Variants in IL3RA observed in about 807,000 individuals in gnomAD.
The protein encoded by IL3RA is interleukin-3 receptor subunit alpha.
A neutral mutation model predicts 52.3 loss-of-function variants in IL3RA; 73 were observed. That is an observed-to-expected ratio of 1.40 (90% CI 1.16 to 1.70). The LOEUF is 1.70. IL3RA is among the 40% of genes most tolerant of loss of function. The pLI is 0.00. For missense variants in IL3RA, 664 were observed against 504.4 expected (o/e 1.32, Z -3.03); for synonymous variants, 260 against 194.0 (o/e 1.34, Z -2.83).
Position 1,378,777 on chromosome X carries a change from G to C in IL3RA, c.980+13G>C, listed in dbSNP as rs765030270. 6 of 1,608,638 alleles carry C rather than the reference G, an allele frequency of 3.7e-6. No homozygotes were observed. The African/African-American group carries it at 5.3e-5, about 14-fold the overall frequency. On this transcript the variant is annotated intron_variant, in intron 10 of 11. Coordinates refer to ENST00000331035, the MANE Select transcript of IL3RA (RefSeq NM_002183.4). ...TGATCTGCAGAAGGTGAGCCCTCGA[G>C]GGCGTCCGCGAGCGTCGCTTGTTTC...
chrX:1,339,352 G>A (rs750015734), intron 1 of IL3RA, among the ~76,000 whole-genome samples: 3 of 152,258 alleles, frequency 2.0e-5, no homozygotes, highest in East Asian at 1.9e-4. Flanking sequence ...AAGGGGCTCC[G>A]AGGCCTCTGG....
intron 2 of IL3RA, among the ~76,000 whole-genome samples, chrX:1,344,672 C>A (rs1272850827): frequency 6.6e-6 from 1 of 151,304 alleles, no homozygotes; most frequent in Non-Finnish European, 1.5e-5. Flanking sequence ...ACTCGGGAGG[C>A]TGAGGCAGGA....
rs1300100000 is a variant in IL3RA at position 1,336,910 on chromosome X, T to A, written c.-55T>A. The A allele has an allele frequency of 6.6e-6, 1 of 152,232 alleles. No homozygotes were observed. Among genetic ancestry groups the A allele is most frequent in the Admixed American group, 6.6e-5 (1 of 15,262 alleles). The allele number at this position is 152,232 out of a possible 1,614,324, so 9.4% of individuals were successfully genotyped here. A position where few individuals can be genotyped will look rare whatever the true frequency, so the allele number is the denominator to read the frequency against. On this transcript the variant is annotated 5_prime_UTR_variant, in exon 1 of 12. Coordinates refer to ENST00000331035, the MANE Select transcript of IL3RA (RefSeq NM_002183.4). ...GAAGGCTGTTTCTTCCACACAGTACTTTGATCTCCATTTAAGGTAAGGTCC... is the reference window on the plus strand; with the variant it reads ...GAAGGCTGTTTCTTCCACACAGTACATTGATCTCCATTTAAGGTAAGGTCC...
rs371683111 is a variant in IL3RA at position 1,352,422 on chromosome X, C to A, written c.532C>A (p.Gln178Lys). The A allele has an allele frequency of 6.2e-7, 1 of 1,613,666 alleles. No individual in the cohort carries two copies. Among genetic ancestry groups the A allele is most frequent in the African/African-American group, 1.3e-5 (1 of 74,930 alleles). ...DDISRLSSGS[Q>K]SSHILVRGRS... ...CATCTCTCGACTCTCCAGCGGTTCT[C>A]AAAGTTCCCACATCCTGGTGCGGGG... The change falls in exon 6 of 12, where the codon CAA (glutamine) becomes AAA (lysine). Residue 178 changes from glutamine to lysine, a missense_variant. Transcript: ENST00000331035.
intron 3 of IL3RA, among the ~76,000 whole-genome samples, chrX:1,345,781 C>T (rs1275574916): frequency 3.3e-5 from 5 of 151,910 alleles, no homozygotes; most frequent in African/African-American, 1.2e-4. Context: ...CGAGTCACCG[C>T]GCATGGCCCA....
At chrX:1,381,467 G>C (rs1490494913) in intron 11 of IL3RA, among the ~76,000 whole-genome samples, 5 of 152,122 alleles carry the variant, frequency 3.3e-5, no homozygotes, top group Non-Finnish European at 7.4e-5. Flanking sequence ...GAAGGGAGTG[G>C]GGGGACACTG....
chrX:1,360,393 C>T (rs1310533972), intron 8 of IL3RA, among the ~76,000 whole-genome samples: 4 of 150,466 alleles, frequency 2.7e-5, no homozygotes, highest in African/African-American at 7.3e-5. Flanking sequence ...TCCCACTGTC[C>T]AAATCTGTGT....
Position 1,381,031 on chromosome X carries a change from T to C in IL3RA, c.989T>C (p.Val330Ala), listed in dbSNP as rs755571078. The C allele has an allele frequency of 6.8e-6, 11 of 1,613,684 alleles. No individual in the cohort carries two copies. In the South Asian group the frequency reaches 8.8e-5, roughly 13 times the overall value. ...CVFVICRRYLVMQRLFPRIPH... is the reference protein window; with the variant it reads ...CVFVICRRYLAMQRLFPRIPH... Reference sequence around the variant, plus strand: ...TTTCTCTTTCCTCCGAGGTATCTGGTGATGCAGAGACTCTTTCCCCGCATC... The same window carrying C: ...TTTCTCTTTCCTCCGAGGTATCTGGCGATGCAGAGACTCTTTCCCCGCATC... Residue 330 changes from valine (V) to alanine (A), a missense_variant, in exon 11 of 12, where the codon GTG (valine) becomes GCG (alanine). Coordinates refer to ENST00000331035, the MANE Select transcript of IL3RA (RefSeq NM_002183.4).
At chrX:1,370,909 G>A (rs1470557681) in intron 9 of IL3RA, among the ~76,000 whole-genome samples, 1 of 21,972 alleles carries the variant, frequency 4.6e-5, no homozygotes, top group Non-Finnish European at 7.8e-5. Context: ...GGCTGTGGGA[G>A]AATCAATGTG....
chrX:1,338,197 C>A (rs1373037082), intron 1 of IL3RA, among the ~76,000 whole-genome samples: 1 of 149,314 alleles, frequency 6.7e-6, no homozygotes, highest in Non-Finnish European at 1.5e-5. Context: ...AAGGAACAAG[C>A]AGCTTTATTC....
intron 11 of IL3RA, 65 bp from the exon 12 acceptor site, chrX:1,382,326 A>C (rs1483186986): frequency 9.5e-7 from 1 of 1,056,856 alleles, no homozygotes; most frequent in African/African-American, 3.4e-5. Flanking sequence ...GCCCCCGCAG[A>C]TCAGGACGTG....
intron 3 of IL3RA, among the ~76,000 whole-genome samples, chrX:1,348,209 T>G (rs190005279): frequency 1.5e-4 from 20 of 137,288 alleles, no homozygotes; most frequent in Admixed American, 1.2e-3. Context: ...AAAAATTAGC[T>G]GGGCGTGGTG....
At chrX:1,379,701 A>G (rs2089040166) in intron 10 of IL3RA, among the ~76,000 whole-genome samples, 1 of 152,254 alleles carries the variant, frequency 6.6e-6, no homozygotes, top group Admixed American at 6.5e-5. Flanking sequence ...TGGATGGGCC[A>G]GGATCCGTCA....
At chrX:1,346,786 G>T (rs1454515408) in intron 3 of IL3RA, among the ~76,000 whole-genome samples, 2 of 151,356 alleles carry the variant, frequency 1.3e-5, no homozygotes, top group East Asian at 3.9e-4. Context: ...TTACAAGTCA[G>T]TGTCTTATGG....
chrX:1,342,772 G>A (rs1293750278), intron 2 of IL3RA, among the ~76,000 whole-genome samples: 1 of 150,922 alleles, frequency 6.6e-6, no homozygotes, highest in East Asian at 2.0e-4. Flanking sequence ...TGTTAGACAG[G>A]ATGGTCTCGA....
chrX:1,361,230 T>C (rs2087322701), intron 8 of IL3RA, among the ~76,000 whole-genome samples: 1 of 151,684 alleles, frequency 6.6e-6, no homozygotes, highest in South Asian at 2.1e-4. Context: ...CCTTTCTCTC[T>C]CCCATTATTT....
intron 8 of IL3RA, among the ~76,000 whole-genome samples, chrX:1,360,684 A>G (rs1346335739): frequency 3.2e-4 from 44 of 139,276 alleles, no homozygotes; most frequent in Admixed American, 6.8e-4. Flanking sequence ...ATGCCCAACT[A>G]ACTTTTTTTT....
In IL3RA at chrX:1,352,321, G is replaced by A. The variant is rs757765898; in HGVS notation, c.432-1G>A. 5 of 1,613,790 alleles carry A rather than the reference G, an allele frequency of 3.1e-6. No homozygotes were observed. In the African/African-American group the frequency reaches 6.7e-5, roughly 22 times the overall value. ...TCCCCCAACCTTACCGCTTACCGCA[G>A]CAGGCGTCAACAGTACGAGTGTCTT... On this transcript the variant is annotated splice_acceptor_variant, in intron 5 of 11. Coordinates refer to ENST00000331035, the MANE Select transcript of IL3RA (RefSeq NM_002183.4). LOFTEE classifies it high-confidence loss of function.
intron 2 of IL3RA, among the ~76,000 whole-genome samples, chrX:1,343,053 C>A (rs372762772): frequency 6.6e-6 from 1 of 150,836 alleles, no homozygotes; most frequent in Admixed American, 6.6e-5. Flanking sequence ...CCAGCCTGGG[C>A]GACAGAGTGA....
Sources: allele counts gnomAD v4.1 joint callset (sites outside exome capture counted in the v4.1 genomes callset), GRCh38; gene constraint gnomAD v4.1.1; transcripts MANE v1.5; gene names NCBI Gene and HGNC (gene_info 2026-07-23, HGNC 2026-07-21).